PTPRG: variants seen among roughly 807,000 people sequenced by gnomAD.
PTPRG encodes receptor-type tyrosine-protein phosphatase gamma.
In PTPRG, 102 loss-of-function variants were observed where a neutral mutation model predicts 165.3. The ratio of observed to expected loss-of-function variants is 0.62; its 90% CI spans 0.53 to 0.73. The LOEUF is 0.73. Ranked by LOEUF, PTPRG falls within the 30% of genes least tolerant of loss-of-function variation. The pLI is 0.00. For missense variants in PTPRG, 1,866 were observed against 1,861.4 expected, an observed-to-expected ratio of 1.00 and a Z score of -0.05; for synonymous variants, 675 against 669.5, an observed-to-expected ratio of 1.01 and a Z score of -0.13.
chr3:61,609,299 T>C (rs769698304), intron 1 of PTPRG, among the ~76,000 whole-genome samples: 34 of 152,194 alleles, frequency 2.2e-4, no homozygotes, highest in Non-Finnish European at 4.0e-4. Context: ...GTTTTCCTGT[T>C]CCATTTCTAC....
chr3:62,073,020 G>T (rs574755028), intron 4 of PTPRG, among the ~76,000 whole-genome samples: 1 of 152,252 alleles, frequency 6.6e-6, no homozygotes, highest in South Asian at 2.1e-4. Context: ...AAATAGTTTT[G>T]AAGGGTCTCC....
intron 2 of PTPRG, among the ~76,000 whole-genome samples, chr3:61,906,641 G>A (rs1423936585): frequency 6.6e-6 from 1 of 152,082 alleles, no homozygotes; most frequent in Non-Finnish European, 1.5e-5. Flanking sequence ...CTAACCAAGG[G>A]TGGTGGCACA....
At chr3:62,014,341 G>A (rs2041492068) in intron 4 of PTPRG, among the ~76,000 whole-genome samples, 1 of 152,060 alleles carries the variant, frequency 6.6e-6, no homozygotes. Flanking sequence ...TGTGATGGAT[G>A]GAGACCAGCT....
chr3:61,670,864 T>TTTTTTTTTTTTTTTTTTGAGACGGA (rs1702958411), intron 1 of PTPRG, among the ~76,000 whole-genome samples: 1 of 152,210 alleles, frequency 6.6e-6, no homozygotes, highest in Non-Finnish European at 1.5e-5. Flanking sequence ...TTGTTTGTGT[T>TTTTTTTTTTTTTTTTTTGAGACGGA]GTGACTATCG....
chr3:61,759,540 C>A (rs114902971), intron 2 of PTPRG, among the ~76,000 whole-genome samples: 130 of 151,868 alleles, frequency 8.6e-4, no homozygotes, highest in African/African-American at 3.1e-3. Flanking sequence ...CCTGTAAGTC[C>A]CAGCTACTCG....
rs1258721902 is a variant in PTPRG, at chr3:62,228,080, T to G, written c.2289-3145T>G. Among the ~76,000 whole-genome samples, 3 of 152,006 alleles carry G rather than the reference T, an allele frequency of 2.0e-5. No homozygotes were observed. The highest frequency in any genetic ancestry group is 7.2e-5 in the African/African-American group (3 of 41,386). On this transcript the variant is annotated intron_variant, in intron 13 of 29. Transcript: ENST00000474889. This position sits in a 1 kb window ranked among gnomAD's most constrained non-coding sequence, Gnocchi z 4.1. ...TGTTTGGCCCCTGTGGGTGGTTGAT[T>G]TTGCATTCCCCTGGGTTGCAATAGT...
chr3:61,952,667 C>T (rs994502456), intron 2 of PTPRG, among the ~76,000 whole-genome samples: 6 of 152,144 alleles, frequency 3.9e-5, no homozygotes, highest in Non-Finnish European at 8.8e-5. Context: ...TGCTTCCTTA[C>T]CTTTAAACCT....
rs998127242 is a variant in PTPRG at position 61,948,986 on chromosome 3, A to G, written c.191-40639A>G. ...TTCTTCACTTTCAGTAATCGAGCTC[A>G]AACTGCTGACACTCCAAGGAAAAGA... On this transcript the variant is annotated intron_variant, in intron 2 of 29. Transcript: ENST00000474889. Among the ~76,000 whole-genome samples the G allele has an allele frequency of 2.0e-5, 3 of 150,892 alleles. No individual in the cohort carries two copies. In the South Asian group the frequency reaches 6.3e-4, roughly 32 times the overall value.
chr3:61,995,682 G>GCTTT (rs1553702213), intron 3 of PTPRG, among the ~76,000 whole-genome samples: 1 of 72,722 alleles, frequency 1.4e-5, no homozygotes, highest in Admixed American at 1.5e-4. Flanking sequence ...CTGCCCGCCC[G>GCTTT]CCTTCCTTCC....
At chr3:61,924,134 C>T (rs1198268540) in intron 2 of PTPRG, among the ~76,000 whole-genome samples, 1 of 152,152 alleles carries the variant, frequency 6.6e-6, no homozygotes, top group Non-Finnish European at 1.5e-5. Context: ...GCTCACTTTC[C>T]TTTCCTCAAA....
chr3:62,248,626 CTT>C (rs1384581720), intron 15 of PTPRG, among the ~76,000 whole-genome samples: 1 of 152,090 alleles, frequency 6.6e-6, no homozygotes, highest in Non-Finnish European at 1.5e-5. Flanking sequence ...TTATATTATT[CTT>C]TTAGGCTTTC....
chr3:62,005,241 G>A (rs912772266), intron 4 of PTPRG, among the ~76,000 whole-genome samples: 3 of 152,146 alleles, frequency 2.0e-5, no homozygotes, highest in African/African-American at 7.2e-5. Flanking sequence ...TCTTTCATGA[G>A]TTGGGTTTCT....
rs911822686 is a variant in PTPRG, at chr3:61,737,913, T to TG, written c.86-10964dup. On this transcript the variant is annotated intron_variant, in intron 1 of 29. Transcript: ENST00000474889. ...GGTTGTGGATATGCTGAGGTTTTTT[T>TG]GTTTTTTTTTTTTAAGACGGAGTCT... Among the ~76,000 whole-genome samples the TG allele has an allele frequency of 6.5e-5, 4 of 61,576 alleles. No homozygotes were observed. The East Asian group carries it at 1.5e-3, about 23-fold the overall frequency. 40.4% of individuals were successfully genotyped at this position (61,576 alleles called of 152,430 possible). A position where few individuals can be genotyped will look rare whatever the true frequency, so the allele number is the denominator to read the frequency against.
chr3:61,723,614 T>G (rs2032138353), intron 1 of PTPRG, among the ~76,000 whole-genome samples: 2 of 152,308 alleles, frequency 1.3e-5, no homozygotes, highest in Middle Eastern at 6.8e-3. Flanking sequence ...TTGAAATAAT[T>G]GTAGATTCAC....
chr3:62,109,359 G>A (rs1702586042), intron 5 of PTPRG, among the ~76,000 whole-genome samples: 1 of 152,108 alleles, frequency 6.6e-6, no homozygotes, highest in African/African-American at 2.4e-5. Flanking sequence ...GATTGTAGCT[G>A]TGTGGTGTTA....
intron 28 of PTPRG, among the ~76,000 whole-genome samples, chr3:62,284,728 T>C (rs1702573196): frequency 6.6e-6 from 1 of 152,086 alleles, no homozygotes; most frequent in Non-Finnish European, 1.5e-5. Flanking sequence ...CCTAATCAAC[T>C]TAACTGTACA....
Position 61,682,448 on chromosome 3 carries a change from G to A in PTPRG, c.86-66430G>A, listed in dbSNP as rs183717355. ...TTGACAGTAATGGGTATGGGTGATGGGGACATAGGCATTTGTTGTAAAGTT... is the reference window on the plus strand; with the variant it reads ...TTGACAGTAATGGGTATGGGTGATGAGGACATAGGCATTTGTTGTAAAGTT... On this transcript the variant is annotated intron_variant, in intron 1 of 29. Transcript: ENST00000474889. 4.1e-4 allele frequency among the ~76,000 whole-genome samples: 62 copies of A among 152,246 alleles called. 1 individual carries two copies. The highest frequency in any genetic ancestry group is 1.4e-3 in the African/African-American group (60 of 41,530).
chr3:61,865,514 G>T (rs1208832619), intron 2 of PTPRG, among the ~76,000 whole-genome samples: 1 of 152,152 alleles, frequency 6.6e-6, no homozygotes, highest in Non-Finnish European at 1.5e-5. Context: ...TACCAACTGT[G>T]CATCATTCCC....
At chr3:61,939,339 G>A (rs971083223) in intron 2 of PTPRG, among the ~76,000 whole-genome samples, 1 of 152,144 alleles carries the variant, frequency 6.6e-6, no homozygotes, top group African/African-American at 2.4e-5. Context: ...TTAGAAAGAG[G>A]ATGCTTACAT....
Sources: allele counts gnomAD v4.1 joint callset (sites outside exome capture counted in the v4.1 genomes callset), GRCh38; gene constraint gnomAD v4.1.1; non-coding constraint Gnocchi (gnomAD v3.1); transcripts MANE v1.5; gene names NCBI Gene and HGNC (gene_info 2026-07-23, HGNC 2026-07-21).